PDE10A: variants seen among roughly 807,000 people sequenced by gnomAD.
The protein encoded by PDE10A is cAMP and cAMP-inhibited cGMP 3',5'-cyclic phosphodiesterase 10A.
A neutral mutation model predicts 97.7 loss-of-function variants in PDE10A; 39 were observed. The ratio of observed to expected loss-of-function variants is 0.40; its 90% CI spans 0.31 to 0.52. PDE10A has a LOEUF of 0.52. PDE10A is among the 20% of genes least tolerant of loss of function. The pLI is 0.56. For missense variants in PDE10A, 731 were observed against 1,047.8 expected (o/e 0.70, Z 4.17); for synonymous variants, 371 against 376.8 (o/e 0.98, Z 0.18).
intron 1 of PDE10A, among the ~76,000 whole-genome samples, chr6:165,724,437 C>T (rs139666513): frequency 1.3e-5 from 2 of 152,264 alleles, no homozygotes; most frequent in Middle Eastern, 3.4e-3. Flanking sequence ...TATGATAGGC[C>T]TTCATACAGG....
At position 165,863,314 on chromosome 6, in the gene PDE10A, G is replaced by C. The variant is rs1283133657; in HGVS notation, c.-615+124215C>G. On this transcript the variant is annotated intron_variant, in intron 1 of 19. Transcript: ENST00000366882. ...CTGAGTTTACTGGGGCAAAGTAGAGGACACTCCTCATTTATTATTCTGTGA... is the reference window on the plus strand; with the variant it reads ...CTGAGTTTACTGGGGCAAAGTAGAGCACACTCCTCATTTATTATTCTGTGA... 5.3e-5 allele frequency among the ~76,000 whole-genome samples: 8 copies of C among 152,302 alleles called. No individual in the cohort carries two copies. In the East Asian group the frequency reaches 1.5e-3, roughly 29 times the overall value.
intron 18 of PDE10A, among the ~76,000 whole-genome samples, chr6:165,357,544 A>G (rs1032896983): frequency 1.3e-5 from 2 of 152,042 alleles, no homozygotes; most frequent in Non-Finnish European, 2.9e-5. Flanking sequence ...GTTTGTTTTA[A>G]GATTAGATTT....
rs960007356 is a variant in PDE10A, at chr6:165,710,485, C to T, written c.-614-166917G>A. 5.9e-5 allele frequency among the ~76,000 whole-genome samples: 9 copies of T among 152,178 alleles called. No homozygotes were observed. The South Asian group carries it at 8.3e-4, about 14-fold the overall frequency. ...TTCCTGTTATAGACACACCTAAATA[C>T]GCAAACTGATCCCTTTTAAAGAGGG... On this transcript the variant is annotated intron_variant, in intron 1 of 19. Coordinates refer to the PDE10A transcript ENST00000366882.
At chr6:165,928,463 G>C (rs1410076926) in intron 1 of PDE10A, among the ~76,000 whole-genome samples, 1 of 152,314 alleles carries the variant, frequency 6.6e-6, no homozygotes, top group East Asian at 1.9e-4. Flanking sequence ...GACACCCACT[G>C]TTTAACCGCC....
intron 1 of PDE10A, among the ~76,000 whole-genome samples, chr6:165,965,513 A>G (rs754848517): frequency 1.3e-5 from 2 of 152,112 alleles, no homozygotes; most frequent in African/African-American, 4.8e-5. Flanking sequence ...CTGCATTCCA[A>G]TCTAGATCCT....
Position 165,450,081 on chromosome 6 carries a change from C to T in PDE10A, c.1144+161G>A, listed in dbSNP as rs145575580. ...TTAGAAAGTTTTAGGTTTGACTCAC[C>T]TCTGGTAGTTTCATAATAAAATATT... On this transcript the variant is annotated intron_variant, in intron 4 of 21. Coordinates refer to ENST00000539869, the MANE Select transcript of PDE10A (RefSeq NM_001385079.1). Among the ~76,000 whole-genome samples the T allele has an allele frequency of 4.4e-3, 665 of 152,218 alleles. 5 individuals carry two copies. The highest frequency in any genetic ancestry group is 0.015 in the African/African-American group (618 of 41,538).
At chr6:165,567,473 T>C (rs1472329465) in intron 1 of PDE10A, among the ~76,000 whole-genome samples, 1 of 152,198 alleles carries the variant, frequency 6.6e-6, no homozygotes, top group African/African-American at 2.4e-5. Flanking sequence ...CAAAATGTTC[T>C]TCAACTAATG....
In PDE10A at chr6:165,662,655, A is replaced by T. The variant is rs1318955727; in HGVS notation, c.157T>A (p.Trp53Arg). The T allele has an allele frequency of 7.4e-6, 1 of 134,472 alleles. No individual in the cohort carries two copies. Among genetic ancestry groups the T allele is most frequent in the Non-Finnish European group, 1.6e-5 (1 of 61,750 alleles). 8.3% of individuals were successfully genotyped at this position (134,472 alleles called of 1,614,324 possible). Reference protein sequence around the residue: ...SAAGPGPAPEWPGRGRAERAA... With the variant: ...SAAGPGPAPERPGRGRAERAA... Reference sequence around the variant, plus strand: ...CGCTCCGCCCGGCCACGGCCAGGCCACTCGGGGGCCGGGCCCGGGCCCGCC... The same window carrying T: ...CGCTCCGCCCGGCCACGGCCAGGCCTCTCGGGGGCCGGGCCCGGGCCCGCC... Residue 53 changes from tryptophan to arginine, a missense_variant, in exon 1 of 22, where the codon TGG becomes AGG. Physicochemically the swap from Trp to Arg is moderately radical, Grantham distance 101. This residue lies in a region of PDE10A where 181 missense variants were observed against 159.1 expected (regional missense o/e 1.14). Coordinates refer to ENST00000539869, the MANE Select transcript of PDE10A (RefSeq NM_001385079.1).
At chr6:165,722,843 T>A (rs184663210) in intron 1 of PDE10A, among the ~76,000 whole-genome samples, 1 of 152,004 alleles carries the variant, frequency 6.6e-6, no homozygotes, top group Admixed American at 6.6e-5. Context: ...CCTACTGATC[T>A]TATAAATCCT....
chr6:165,895,011 G>A (rs1487824138), intron 1 of PDE10A, among the ~76,000 whole-genome samples: 1 of 152,148 alleles, frequency 6.6e-6, no homozygotes, highest in Non-Finnish European at 1.5e-5. Flanking sequence ...TAAATAGCCA[G>A]GACTGAGAGC....
At chr6:165,762,748 T>G (rs1218090809) in intron 1 of PDE10A, among the ~76,000 whole-genome samples, 1 of 152,158 alleles carries the variant, frequency 6.6e-6, no homozygotes, top group Non-Finnish European at 1.5e-5. Context: ...TAACAAACAA[T>G]TGTTCACTTT....
At chr6:165,622,013 C>T (rs1402971518) in intron 1 of PDE10A, among the ~76,000 whole-genome samples, 4 of 152,140 alleles carry the variant, frequency 2.6e-5, no homozygotes, top group Non-Finnish European at 5.9e-5. Context: ...GCAGATTACC[C>T]TCTATAATGT....
At chr6:165,944,031 T>G (rs1358141994) in intron 1 of PDE10A, among the ~76,000 whole-genome samples, 1 of 152,224 alleles carries the variant, frequency 6.6e-6, no homozygotes, top group Non-Finnish European at 1.5e-5. Flanking sequence ...CAGTTCTGCA[T>G]GGTTGAGGAA....
chr6:165,358,744 T>C (rs1783195445), intron 18 of PDE10A, among the ~76,000 whole-genome samples: 1 of 151,950 alleles, frequency 6.6e-6, no homozygotes, highest in Non-Finnish European at 1.5e-5. Context: ...GTTGAATCTG[T>C]TTTTGCTCCT....
At chr6:165,603,447 T>C (rs1787063014) in intron 1 of PDE10A, among the ~76,000 whole-genome samples, 1 of 152,204 alleles carries the variant, frequency 6.6e-6, no homozygotes, top group Admixed American at 6.5e-5. Flanking sequence ...TAACAACTCA[T>C]TTTGTAGCTG....
At chr6:165,846,199 T>C (rs879914048) in intron 1 of PDE10A, among the ~76,000 whole-genome samples, 3 of 152,198 alleles carry the variant, frequency 2.0e-5, no homozygotes, top group Non-Finnish European at 1.5e-5. Context: ...TACGGTCATT[T>C]CACCTACAAG....
intron 1 of PDE10A, among the ~76,000 whole-genome samples, chr6:165,656,049 C>T (rs1422647423): frequency 6.6e-6 from 1 of 152,014 alleles, no homozygotes; most frequent in Non-Finnish European, 1.5e-5. Flanking sequence ...CGCTGTGCAG[C>T]TCTCTTGGTA....
At chr6:165,702,644 A>G (rs1455307482) in intron 1 of PDE10A, among the ~76,000 whole-genome samples, 1 of 152,198 alleles carries the variant, frequency 6.6e-6, no homozygotes, top group Non-Finnish European at 1.5e-5. Flanking sequence ...TACTAAACTG[A>G]GAAGCACCAA....
intron 1 of PDE10A, among the ~76,000 whole-genome samples, chr6:165,817,317 G>A (rs1271722247): frequency 6.6e-6 from 1 of 152,114 alleles, no homozygotes; most frequent in East Asian, 1.9e-4. Flanking sequence ...GCCCCATAGG[G>A]TCAAGTGTCC....
Sources: gnomAD v4.1 joint callset for allele counts (sites outside exome capture counted in the v4.1 genomes callset) on GRCh38, gnomAD v4.1.1 for gene constraint, gnomAD v4.1.1 regional missense constraint, MANE v1.5 for transcripts, NCBI Gene and HGNC (gene_info 2026-07-23, HGNC 2026-07-21) for gene names.